WAC: variants seen among roughly 807,000 people sequenced by gnomAD.
The protein encoded by WAC is WW domain-containing adapter protein with coiled-coil.
In WAC, 11 loss-of-function variants were observed where a neutral mutation model predicts 79.6. The observed-to-expected ratio is 0.14, with a 90% CI of 0.09 to 0.23. The LOEUF (loss-of-function observed/expected upper bound fraction) is 0.23. WAC is among the 10% of genes least tolerant of loss of function. The pLI is 1.00. For missense variants in WAC, 728 were observed against 773.5 expected (o/e 0.94, Z 0.70); for synonymous variants, 304 against 276.9 (o/e 1.10, Z -0.97).
intron 12 of WAC, among the ~76,000 whole-genome samples, chr10:28,616,879 C>T (rs1021495363): frequency 1.3e-5 from 2 of 152,176 alleles, no homozygotes; most frequent in South Asian, 2.1e-4. Context: ...GCCAGGAGTT[C>T]GAGACCAGTC....
At chr10:28,564,807 A>G (rs1047849158) in intron 3 of WAC, among the ~76,000 whole-genome samples, 2 of 152,224 alleles carry the variant, frequency 1.3e-5, no homozygotes, top group African/African-American at 4.8e-5. Flanking sequence ...AAAATTGATA[A>G]TGATAATCCC....
Position 28,533,603 on chromosome 10 carries a change from G to A in WAC, c.24G>A (p.Gln8=), listed in dbSNP as rs149503007. The A allele has an allele frequency of 3.8e-6, 6 of 1,595,438 alleles. No homozygotes were observed. The African/African-American group carries it at 8.2e-5, about 22-fold the overall frequency. Residue 8 remains glutamine (Q), a synonymous_variant, in exon 1 of 14, where the codon CAG becomes CAA. Coordinates refer to ENST00000354911, the MANE Select transcript of WAC (RefSeq NM_016628.5). MVMYARK[Q]QRLSDGCHDR... ...TGATGGTAATGTATGCGAGGAAACA[G>A]CAGAGACTCAGTGATGGGTAAATTG...
intron 6 of WAC, among the ~76,000 whole-genome samples, chr10:28,592,420 G>A (rs1056888150): frequency 1.3e-5 from 2 of 152,014 alleles, no homozygotes; most frequent in South Asian, 2.1e-4. Context: ...TCAAGAGATC[G>A]AGCCCATCCT....
intron 3 of WAC, among the ~76,000 whole-genome samples, chr10:28,556,467 A>G (rs1403540860): frequency 7.7e-6 from 1 of 129,076 alleles, no homozygotes; most frequent in Admixed American, 9.9e-5. Context: ...ACCCCTTATC[A>G]CAAATATGGT....
chr10:28,534,116 A>G, intron 2 of WAC, 82 bp downstream of exon 2: 1 of 1,365,830 alleles, frequency 7.3e-7, no homozygotes, highest in Non-Finnish European at 9.9e-7. Flanking sequence ...CAGGCCTCAG[A>G]AGTCGATACA....
intron 3 of WAC, among the ~76,000 whole-genome samples, chr10:28,555,091 A>G (rs966390462): frequency 1.3e-5 from 2 of 152,090 alleles, no homozygotes; most frequent in Non-Finnish European, 2.9e-5. Context: ...AGTGGAAACT[A>G]CAGTTTCCCA....
chr10:28,593,659 G>A (rs765257267), intron 6 of WAC, among the ~76,000 whole-genome samples: 5 of 151,376 alleles, frequency 3.3e-5, no homozygotes, highest in Non-Finnish European at 5.9e-5. Flanking sequence ...TCCCAGCCAC[G>A]TGGGAGGCTG....
chr10:28,593,937 A>G (rs1272709179), intron 6 of WAC, among the ~76,000 whole-genome samples: 3 of 152,096 alleles, frequency 2.0e-5, no homozygotes, highest in African/African-American at 7.2e-5. Flanking sequence ...CTTTGGGTGA[A>G]GTAATTGTTA....
chr10:28,580,100 G>GC (rs1474483833), intron 3 of WAC, among the ~76,000 whole-genome samples: 1 of 152,162 alleles, frequency 6.6e-6, no homozygotes, highest in Non-Finnish European at 1.5e-5. Context: ...TATCCAAAAA[G>GC]CTCTTGTCTT....
At chr10:28,582,398 C>T (rs1244985576) in intron 3 of WAC, among the ~76,000 whole-genome samples, 1 of 152,180 alleles carries the variant, frequency 6.6e-6, no homozygotes, top group Non-Finnish European at 1.5e-5. Flanking sequence ...GTTCACCTTT[C>T]CTCTTACCAT....
At chr10:28,608,550 TTTTTTTGTTTTG>T (rs1216360613) in intron 8 of WAC, 119 bp downstream of exon 8, 25 of 1,150,176 alleles carry the variant, frequency 2.2e-5, no homozygotes, top group Admixed American at 3.0e-5. Flanking sequence ...GTTGAACACT[TTTTTTTGTTTTG>T]TTTTTTGTTT....
rs1312567615 is a variant in WAC, at chr10:28,608,256, G to T, written c.990G>T (p.Leu330=). The T allele has an allele frequency of 1.2e-6, 2 of 1,614,022 alleles. No individual in the cohort carries two copies. ...TTPSTSSASG[L]NPTSAPPTSA... is the part of the protein sequence containing the mutation. ...CTTCCACGTCTTCTGCCTCTGGACT[G>T]AACCCCACATCTGCACCTCCAACAT... Residue 330 remains leucine, a synonymous_variant, in exon 8 of 14, where the codon CTG becomes CTT. Coordinates refer to ENST00000354911, the MANE Select transcript of WAC (RefSeq NM_016628.5).
Position 28,617,770 on chromosome 10 carries a change from T to C in WAC, c.1860T>C (p.Thr620=), listed in dbSNP as rs368424618. 48 of 1,586,536 alleles carry C rather than the reference T, an allele frequency of 3.0e-5. No homozygotes were observed. The highest frequency in any genetic ancestry group is 5.7e-5 in the Admixed American group (3 of 52,632). Reference sequence around the variant, plus strand: ...TCCGAGTATGTGAAATTCAAGCAACTTTGCGAGAGCAAAGGTAAGTCTTTC... The same window carrying C: ...TCCGAGTATGTGAAATTCAAGCAACCTTGCGAGAGCAAAGGTAAGTCTTTC... ...SLVRVCEIQA[T]LREQRILFLR... is the part of the protein sequence containing the mutation. The change falls in exon 13 of 14, where the codon ACT becomes ACC. Residue 620 remains threonine (T), a synonymous_variant. Transcript: ENST00000354911.
At chr10:28,541,928 C>A (rs145245438) in intron 3 of WAC, among the ~76,000 whole-genome samples, 1 of 152,126 alleles carries the variant, frequency 6.6e-6, no homozygotes, top group Non-Finnish European at 1.5e-5. Flanking sequence ...CCAGAGTGAT[C>A]CAGTTAAAAT....
intron 7 of WAC, among the ~76,000 whole-genome samples, chr10:28,600,757 C>A (rs779058205): frequency 2.0e-5 from 3 of 151,070 alleles, no homozygotes; most frequent in Admixed American, 2.0e-4. Context: ...ATAAAAAGTA[C>A]AATAAACAAA....
chr10:28,548,964 G>A (rs1442744224), intron 3 of WAC, among the ~76,000 whole-genome samples: 1 of 152,054 alleles, frequency 6.6e-6, no homozygotes, highest in Non-Finnish European at 1.5e-5. Flanking sequence ...GTATGGTCAT[G>A]GCTCACTGCA....
rs201722227 is a variant in WAC, at chr10:28,595,720, C to T, written c.611-13C>T. 3.7e-6 allele frequency: 6 copies of T among 1,602,440 alleles called. No individual in the cohort carries two copies. The highest frequency in any genetic ancestry group is 5.1e-6 in the Non-Finnish European group (6 of 1,172,566). Reference sequence around the variant, plus strand: ...TCATTCCAACATCTGTTTTTTCGAACTGTGAACTAAAGTGGAAGACAAGCA... The same window carrying T: ...TCATTCCAACATCTGTTTTTTCGAATTGTGAACTAAAGTGGAAGACAAGCA... On this transcript the variant is annotated splice_polypyrimidine_tract_variant and intron_variant, in intron 6 of 13. Transcript: ENST00000354911.
chr10:28,611,501 G>C, intron 9 of WAC: 1 of 1,380,692 alleles, frequency 7.2e-7, no homozygotes. Context: ...CCTTCCATGT[G>C]AGATTAGGTT....
chr10:28,542,625 G>GGAA (rs1837119340), intron 3 of WAC, among the ~76,000 whole-genome samples: 1 of 152,168 alleles, frequency 6.6e-6, no homozygotes, highest in Non-Finnish European at 1.5e-5. Context: ...AGTGATGGAT[G>GGAA]GAAGATACCT....
Sources: allele counts gnomAD v4.1 joint callset (sites outside exome capture counted in the v4.1 genomes callset), GRCh38; gene constraint gnomAD v4.1.1; transcripts MANE v1.5; gene names NCBI Gene and HGNC (gene_info 2026-07-23, HGNC 2026-07-21).